The following CDAN1 variants were observed in gnomAD, a reference collection of about 807,000 sequenced individuals.
The protein encoded by CDAN1 is codanin 1.
CDAN1 carries 107 observed loss-of-function variants against 139.8 expected under a neutral mutation model. The ratio of observed to expected loss-of-function variants is 0.77; its 90% CI spans 0.65 to 0.90. CDAN1 has a LOEUF of 0.90. CDAN1 is among the 40% of genes least tolerant of loss of function. CDAN1 has a pLI of 0.00. For synonymous variants in CDAN1, 776 were observed against 660.6 expected, an observed-to-expected ratio of 1.17 and a Z score of -2.68; for missense variants, 1,667 against 1,575.7, an observed-to-expected ratio of 1.06 and a Z score of -0.98.
Position 42,734,362 on chromosome 15 carries a change from C to T in CDAN1, c.1137-16G>A, listed in dbSNP as rs762844433. The T allele has an allele frequency of 3.8e-5, 62 of 1,613,856 alleles. No individual in the cohort carries two copies. The highest frequency in any genetic ancestry group is 4.6e-5 in the Non-Finnish European group (54 of 1,179,996). On this transcript the variant is annotated splice_polypyrimidine_tract_variant and intron_variant, in intron 6 of 27. Transcript: ENST00000356231. ...GGAAAGAACCCTGCAGGGACAAGAGCACCTATGACTGAGACCAGAACACAG... is the reference window on the plus strand; with the variant it reads ...GGAAAGAACCCTGCAGGGACAAGAGTACCTATGACTGAGACCAGAACACAG...
chr15:42,733,942 G>C lies in CDAN1; in HGVS notation c.1363C>G (p.Gln455Glu), dbSNP rs1197065507. ...SDRAFHTFKK[Q>E]RDVFYEVLRE... The stretch of plus-strand genomic sequence containing the variant: ...AAAAGTCCCTTTTCTTATCACCTCT[G>C]TTTCTTAAAAGTATGAAAGGCTCGG... The change falls in exon 8 of 28, where the codon CAG becomes GAG. Residue 455 changes from glutamine to glutamate, a missense_variant. This residue lies in a region of CDAN1 where 244 missense variants were observed against 309.4 expected (regional missense o/e 0.79). Transcript: ENST00000356231. 1 of 1,610,400 alleles carries C rather than the reference G, an allele frequency of 6.2e-7. No homozygotes were observed. The highest frequency in any genetic ancestry group is 1.7e-5 in the Admixed American group (1 of 60,014).
chr15:42,736,434 G>C lies in CDAN1; in HGVS notation c.437C>G (p.Pro146Arg), dbSNP rs1418909151. Residue 146 changes from proline to arginine, a missense_variant, in exon 2 of 28, where the codon CCC (proline) becomes CGC (arginine). By Grantham distance (103) the Pro-to-Arg change is moderately radical. Around this residue, in one of 3 missense-constraint regions of CDAN1, gnomAD observed 487 missense variants for 422.2 expected, o/e 1.15. Transcript: ENST00000356231. ...LEEGVSGESL[P>R]GAGGRRLRGS... ...CCTAAGCCTCCGGCCCCCGGCTCCGGGCAGGCTCTCCCCGCTGACCCCCTC... is the reference window on the plus strand; with the variant it reads ...CCTAAGCCTCCGGCCCCCGGCTCCGCGCAGGCTCTCCCCGCTGACCCCCTC... 2 of 1,596,252 alleles carry C rather than the reference G, an allele frequency of 1.3e-6. No homozygotes were observed.
chr15:42,731,138 TAA>T (rs2061605375), intron 12 of CDAN1, 67 bp from the exon 13 acceptor site: 1 of 1,614,068 alleles, frequency 6.2e-7, no homozygotes. Flanking sequence ...CGATCTGTTA[TAA>T]AGTTTTTCTT....
chr15:42,727,829 T>C, intron 22 of CDAN1, 60 bp from the exon 23 acceptor site: 1 of 1,610,964 alleles, frequency 6.2e-7, no homozygotes. Context: ...AGGTTCACCA[T>C]GCTAACCCAT....
intron 20 of CDAN1, 67 bp downstream of exon 20, chr15:42,728,585 T>C: frequency 6.3e-7 from 1 of 1,590,714 alleles, no homozygotes. Flanking sequence ...AGAGTAAGTG[T>C]GAAGGAGGAA....
In CDAN1 at chr15:42,727,646, G is replaced by A. The variant is rs145041909; in HGVS notation, c.3071C>T (p.Pro1024Leu). The A allele has an allele frequency of 1.3e-6, 2 of 1,582,952 alleles. No homozygotes were observed. Among genetic ancestry groups the A allele is most frequent in the South Asian group, 1.1e-5 (1 of 88,034 alleles). Residue 1024 changes from proline to leucine, a missense_variant, in exon 23 of 28, where the codon CCC (proline) becomes CTC (leucine). Pro to Leu is a moderately conservative substitution (Grantham distance 98). Coordinates refer to ENST00000356231, the MANE Select transcript of CDAN1 (RefSeq NM_138477.4). ...TTTTATCTCGGAGATGAGGTGGGAGGGGAGGGGAGCATGGTGCTCACAGGC... is the reference window on the plus strand; with the variant it reads ...TTTTATCTCGGAGATGAGGTGGGAGAGGAGGGGAGCATGGTGCTCACAGGC... ...SRACEHHAPL[P>L]SHLISEIKDV...
chr15:42,735,462 A>G (rs752968709), intron 4 of CDAN1, 48 bp downstream of exon 4: 13 of 1,609,476 alleles, frequency 8.1e-6, no homozygotes, highest in South Asian at 7.7e-5. Flanking sequence ...TCTCTTACCC[A>G]TAAGTTCTAC....
In CDAN1 at chr15:42,735,648, T is replaced by C; in HGVS notation, c.805A>G (p.Thr269Ala). 1.9e-6 allele frequency: 3 copies of C among 1,613,592 alleles called. No individual in the cohort carries two copies. The highest frequency in any genetic ancestry group is 2.5e-6 in the Non-Finnish European group (3 of 1,179,944). The change falls in exon 4 of 28, where the codon ACC becomes GCC. Residue 269 changes from threonine to alanine, a missense_variant. Transcript: ENST00000356231. ...GACCCCAATTCTGGGGTGGGACAGGTGGGGGTAGGTGACTGCTGCAGCTGC... is the reference window on the plus strand; with the variant it reads ...GACCCCAATTCTGGGGTGGGACAGGCGGGGGTAGGTGACTGCTGCAGCTGC... The part of the protein sequence containing the change: ...SKQLQQSPTP[T>A]CPTPELGSPL...
At chr15:42,730,517 G>C in intron 14 of CDAN1, 81 bp downstream of exon 14, 1 of 1,522,456 alleles carries the variant, frequency 6.6e-7, no homozygotes, top group South Asian at 1.2e-5. Flanking sequence ...CAGACTGCTC[G>C]ACCCTCTTTA....
chr15:42,734,051 A>C lies in CDAN1; in HGVS notation c.1258-4T>G. The C allele has an allele frequency of 6.2e-7, 1 of 1,610,960 alleles. No homozygotes were observed. The highest frequency in any genetic ancestry group is 8.5e-7 in the Non-Finnish European group (1 of 1,177,036). On this transcript the variant is annotated splice_polypyrimidine_tract_variant and splice_region_variant and intron_variant, in intron 7 of 27. Transcript: ENST00000356231. ...AGGGAGGCATCACCAGAGAGACCTA[A>C]AATACAGCAGGAACGTTAGGAACTG... is the stretch of plus-strand genomic sequence containing the variant.
intron 20 of CDAN1, 30 bp from the exon 21 acceptor site, chr15:42,728,297 T>G: frequency 6.2e-7 from 1 of 1,609,034 alleles, no homozygotes; most frequent in East Asian, 2.2e-5. Flanking sequence ...GTCAGTGATC[T>G]CTGGGTATTT....
In CDAN1 at chr15:42,725,533, T is replaced by A. The variant is rs762159105; in HGVS notation, c.3406A>T (p.Ser1136Cys). The change falls in exon 26 of 28, where the codon AGC becomes TGC. Residue 1136 changes from serine (S) to cysteine (C), a missense_variant. Physicochemically the swap from Ser to Cys is moderately radical, Grantham distance 112. Around this residue, in one of 3 missense-constraint regions of CDAN1, gnomAD observed 936 missense variants for 844.1 expected, o/e 1.11. Coordinates refer to ENST00000356231, the MANE Select transcript of CDAN1 (RefSeq NM_138477.4). ...GCCAGAAGCCCCACATTTCTTGGGC[T>A]CAGCAGCAGCTGCAGCGGAACCGGC... ...QGPVPLQLLLSPRNVGLLADT... is the reference protein window; with the variant it reads ...QGPVPLQLLLCPRNVGLLADT... 5 of 1,614,024 alleles carry A rather than the reference T, an allele frequency of 3.1e-6. No individual in the cohort carries two copies. The highest frequency in any genetic ancestry group is 3.4e-6 in the Non-Finnish European group (4 of 1,180,032).
chr15:42,731,822 A>T lies in CDAN1; in HGVS notation c.1537T>A (p.Cys513Ser). The T allele has an allele frequency of 4.3e-6, 7 of 1,613,988 alleles. No individual in the cohort carries two copies. Among genetic ancestry groups the T allele is most frequent in the Non-Finnish European group, 5.9e-6 (7 of 1,179,912 alleles). Reference sequence around the variant, plus strand: ...CCCCCAGCACCACCAGGGCTCTGACACATCTAGGGTGGAAGAGGAAGGAGA... The same window carrying T: ...CCCCCAGCACCACCAGGGCTCTGACTCATCTAGGGTGGAAGAGGAAGGAGA... Reference protein sequence around the residue: ...RLFQKQLLQMCQSPGGAGGTV... With the variant: ...RLFQKQLLQMSQSPGGAGGTV... Residue 513 changes from cysteine to serine, a missense_variant, in exon 11 of 28, where the codon TGT becomes AGT. Physicochemically the swap from Cys to Ser is moderately radical, Grantham distance 112 (BLOSUM62 -1). Around this residue, in one of 3 missense-constraint regions of CDAN1, gnomAD observed 244 missense variants for 309.4 expected, o/e 0.79. Coordinates refer to ENST00000356231, the MANE Select transcript of CDAN1 (RefSeq NM_138477.4).
intron 6 of CDAN1, among the ~76,000 whole-genome samples, chr15:42,734,629 T>C (rs1322652569): frequency 6.6e-6 from 1 of 152,042 alleles, no homozygotes; most frequent in African/African-American, 2.4e-5. Flanking sequence ...TTTTTTGAGA[T>C]GGGGGTCTCT....
In CDAN1 at chr15:42,723,676, G is replaced by A. The variant is rs895608597; in HGVS notation, c.*815C>T. On this transcript the variant is annotated 3_prime_UTR_variant, in exon 28 of 28. Coordinates refer to ENST00000356231, the MANE Select transcript of CDAN1 (RefSeq NM_138477.4). The stretch of plus-strand genomic sequence containing the variant: ...CAGGGGCTGAAGGTACAGGGGGAAA[G>A]TCAGGTTTCAGTTGGTTGAGTCCTA... The A allele has an allele frequency of 6.6e-6, 1 of 152,412 alleles. No individual in the cohort carries two copies. Among genetic ancestry groups the A allele is most frequent in the Non-Finnish European group, 1.5e-5 (1 of 68,176 alleles). The allele number at this position is 152,412 out of a possible 1,614,324, so 9.4% of individuals were successfully genotyped here. A position where few individuals can be genotyped will look rare whatever the true frequency, so the allele number is the denominator to read the frequency against.
Position 42,728,739 on chromosome 15 carries a change from T to C in CDAN1, c.2717A>G (p.Glu906Gly). 1 of 1,614,098 alleles carries C rather than the reference T, an allele frequency of 6.2e-7. No individual in the cohort carries two copies. The highest frequency in any genetic ancestry group is 8.5e-7 in the Non-Finnish European group (1 of 1,180,024). ...CAGCTGGGCTGGGTCTCCCCCTTCC[T>C]CTCCCTGTGTCACCAGCTGCTCTTG... The part of the protein sequence containing the change: ...LLQEQLVTQG[E>G]EGGDPAQLLE... Residue 906 changes from glutamate to glycine, a missense_variant, in exon 20 of 28, where the codon GAG becomes GGG. Transcript: ENST00000356231.
rs781066227 is a variant in CDAN1 at position 42,725,271 on chromosome 15, C to T, written c.3451-20G>A. 1.7e-5 allele frequency: 28 copies of T among 1,609,736 alleles called. No individual in the cohort carries two copies. The African/African-American group carries it at 2.0e-4, about 12-fold the overall frequency. ...GTCCCACTGCAAAACACACCGAGGTCAGGGTTGCTAGGAGGACGACAGAGT... is the reference window on the plus strand; with the variant it reads ...GTCCCACTGCAAAACACACCGAGGTTAGGGTTGCTAGGAGGACGACAGAGT... On this transcript the variant is annotated intron_variant, in intron 26 of 27. Transcript: ENST00000356231.
chr15:42,725,066 A>C (rs1014352414), intron 27 of CDAN1, 78 bp downstream of exon 27: 1 of 1,230,406 alleles, frequency 8.1e-7, no homozygotes, highest in African/African-American at 1.5e-5. Context: ...GTTTGGCCCC[A>C]TCACTTGCTT....
Position 42,735,524 on chromosome 15 carries a change from G to T in CDAN1, c.929C>A (p.Ser310Tyr). Residue 310 changes from serine to tyrosine, a missense_variant, in exon 4 of 28, where the codon TCC becomes TAC. This residue lies in a region of CDAN1 where 244 missense variants were observed against 309.4 expected (regional missense o/e 0.79). Transcript: ENST00000356231. Reference sequence around the variant, plus strand: ...CTCTCACTCACCAGCAATGCACGAGGAGTAAACAAGGGCTACAAGCTCCAG... The same window carrying T: ...CTCTCACTCACCAGCAATGCACGAGTAGTAAACAAGGGCTACAAGCTCCAG... The part of the protein sequence containing the change: ...QRLELVALVY[S>Y]SCIAENLVPN... 1 of 1,614,212 alleles carries T rather than the reference G, an allele frequency of 6.2e-7. No individual in the cohort carries two copies. Among genetic ancestry groups the T allele is most frequent in the Non-Finnish European group, 8.5e-7 (1 of 1,180,044 alleles).
Sources: gnomAD v4.1 joint callset for allele counts (sites outside exome capture counted in the v4.1 genomes callset) on GRCh38, gnomAD v4.1.1 for gene constraint, gnomAD v4.1.1 regional missense constraint, MANE v1.5 for transcripts, NCBI Gene and HGNC (gene_info 2026-07-23, HGNC 2026-07-21) for gene names.